Variants in IRAK3 observed in about 807,000 individuals in gnomAD.
IRAK3 encodes interleukin 1 receptor associated kinase 3.
Under a neutral mutation model 56.6 loss-of-function variants are expected in IRAK3, and 57 were observed. The ratio of observed to expected loss-of-function variants is 1.01; its 90% CI spans 0.81 to 1.26. The LOEUF (loss-of-function observed/expected upper bound fraction) is 1.26. IRAK3 is among the 50% of genes most tolerant of loss of function. The probability of loss-of-function intolerance (pLI) is 0.00; values close to 1 mark genes in which losing one functional copy is unlikely to be tolerated. For synonymous variants in IRAK3, 258 were observed against 255.7 expected, an observed-to-expected ratio of 1.01 and a Z score of -0.09; for missense variants, 703 against 719.0, an observed-to-expected ratio of 0.98 and a Z score of 0.25.
At chr12:66,200,896 T>C (rs1185253) in intron 1 of IRAK3, among the ~76,000 whole-genome samples, 34,130 of 152,004 alleles carry the variant, frequency 0.22, 6,833 homozygotes, top group African/African-American at 0.52. Flanking sequence ...CTGCAACCTC[T>C]GCCTCCTGGG....
rs1358398499 is a variant in IRAK3 at position 66,248,251 on chromosome 12, C to G, written c.*80C>G. 5 of 954,760 alleles carry G rather than the reference C, an allele frequency of 5.2e-6. 1 individual carries two copies. The highest frequency in any genetic ancestry group is 4.1e-5 in the South Asian group (3 of 72,564). 59.1% of individuals were successfully genotyped at this position (954,760 alleles called of 1,614,324 possible). On this transcript the variant is annotated 3_prime_UTR_variant, in exon 12 of 12. Coordinates refer to ENST00000261233, the MANE Select transcript of IRAK3 (RefSeq NM_007199.3). ...GTATGACCTTGGGAAGACATTGGCT[C>G]CATAAGCAATGCCAAGAGAATGATC...
At chr12:66,226,581 T>C (rs2052788457) in intron 6 of IRAK3, 142 bp from the exon 7 acceptor site, 1 of 680,902 alleles carries the variant, frequency 1.5e-6, no homozygotes, top group Non-Finnish European at 2.7e-6. Context: ...CAAATCTGTG[T>C]CTGTACCCAA....
At chr12:66,239,615 AC>A (rs1002335997) in intron 8 of IRAK3, among the ~76,000 whole-genome samples, 2 of 151,880 alleles carry the variant, frequency 1.3e-5, no homozygotes, top group Non-Finnish European at 2.9e-5. Flanking sequence ...TTCCCTCATA[AC>A]CCCCTCAAAA....
At chr12:66,195,479 C>A (rs2052442214) in intron 1 of IRAK3, among the ~76,000 whole-genome samples, 1 of 152,182 alleles carries the variant, frequency 6.6e-6, no homozygotes, top group Non-Finnish European at 1.5e-5. Context: ...AGAGCAAACC[C>A]TGAAGTCCTG....
intron 5 of IRAK3, among the ~76,000 whole-genome samples, chr12:66,214,196 T>A (rs1045584357): frequency 1.3e-5 from 2 of 151,936 alleles, no homozygotes; most frequent in Non-Finnish European, 2.9e-5. Flanking sequence ...GGATTGGAAG[T>A]TGGCAGAAGA....
At chr12:66,242,250 C>T (rs1040332731) in intron 8 of IRAK3, among the ~76,000 whole-genome samples, 5 of 152,086 alleles carry the variant, frequency 3.3e-5, no homozygotes, top group South Asian at 2.1e-4. Context: ...TTTCCCACCT[C>T]GCCTCCTGGC....
chr12:66,202,300 C>T (rs1428105644), intron 1 of IRAK3, among the ~76,000 whole-genome samples: 4 of 152,102 alleles, frequency 2.6e-5, no homozygotes, highest in Admixed American at 2.0e-4. Context: ...GAACCCTGGC[C>T]ACAATGAGCA....
chr12:66,222,887 C>T (rs1387171001), intron 6 of IRAK3, among the ~76,000 whole-genome samples: 4 of 152,118 alleles, frequency 2.6e-5, no homozygotes, highest in Non-Finnish European at 5.9e-5. Context: ...TTTGTGTGAG[C>T]AATAAAGCTT....
In IRAK3 at chr12:66,226,831, G is replaced by T. The variant is rs752958814; in HGVS notation, c.762G>T (p.Gln254His). The change falls in exon 7 of 12, where the codon CAG (glutamine) becomes CAT (histidine). Residue 254 changes from glutamine (Q) to histidine (H), a missense_variant. By Grantham distance (24) the Gln-to-His change is conservative (BLOSUM62 0). Transcript: ENST00000261233. ...ATGGAACACTTTTTGACAGATTGCAGTGTGTAGTAAGTTCTATCTATTATT... is the reference window on the plus strand; with the variant it reads ...ATGGAACACTTTTTGACAGATTGCATTGTGTAGTAAGTTCTATCTATTATT... ...MRNGTLFDRLQCVGDTAPLPW... is the reference protein window; with the variant it reads ...MRNGTLFDRLHCVGDTAPLPW... The T allele has an allele frequency of 1.4e-5, 22 of 1,536,230 alleles. No homozygotes were observed. The South Asian group carries it at 1.8e-4, about 12-fold the overall frequency.
At chr12:66,219,228 G>T (rs1031275902) in intron 6 of IRAK3, among the ~76,000 whole-genome samples, 1 of 152,116 alleles carries the variant, frequency 6.6e-6, no homozygotes, top group Non-Finnish European at 1.5e-5. Flanking sequence ...ATATGGTTTG[G>T]TTCTGTGTCC....
intron 6 of IRAK3, among the ~76,000 whole-genome samples, chr12:66,223,624 A>G (rs1310910184): frequency 2.0e-5 from 3 of 147,186 alleles, no homozygotes; most frequent in Non-Finnish European, 4.5e-5. Context: ...ACGCCACTGC[A>G]CTCCAGCCTG....
rs201382563 is a variant in IRAK3 at position 66,226,869 on chromosome 12, C to G, written c.768+32C>G. Reference sequence around the variant, plus strand: ...TCTATCTATTATTCTGTCTGATCCTCTGACCCCTTGAATCCCTGGGAGAGC... The same window carrying G: ...TCTATCTATTATTCTGTCTGATCCTGTGACCCCTTGAATCCCTGGGAGAGC... On this transcript the variant is annotated intron_variant, in intron 7 of 11. Transcript: ENST00000261233. 6.3e-5 allele frequency: 81 copies of G among 1,288,010 alleles called. 1 individual carries two copies. The East Asian group carries it at 1.8e-3, about 28-fold the overall frequency. 79.8% of individuals were successfully genotyped at this position (1,288,010 alleles called of 1,614,324 possible).
At chr12:66,233,323 C>G (rs545662248) in intron 8 of IRAK3, among the ~76,000 whole-genome samples, 1 of 152,246 alleles carries the variant, frequency 6.6e-6, no homozygotes, top group Non-Finnish European at 1.5e-5. Context: ...TCGAGACCAT[C>G]CTGGCTAACA....
chr12:66,192,567 A>C (rs1456359662), intron 1 of IRAK3, among the ~76,000 whole-genome samples: 1 of 152,198 alleles, frequency 6.6e-6, no homozygotes, highest in Admixed American at 6.5e-5. Context: ...TTTGCAAATG[A>C]TATATAATAG....
intron 2 of IRAK3, among the ~76,000 whole-genome samples, chr12:66,204,802 A>G (rs371324947): frequency 0.018 from 2,808 of 152,134 alleles, 32 homozygotes; most frequent in Middle Eastern, 0.048. Flanking sequence ...ACACACACAC[A>G]CACACACACA....
Position 66,207,298 on chromosome 12 carries a change from C to G in IRAK3, c.317-2158C>G, listed in dbSNP as rs566639876. ...CCAGCCTGGGCAAAACGGTGAAACC[C>G]TATCTCTACTAAAATACAAAAAAAT... On this transcript the variant is annotated intron_variant, in intron 2 of 11. Coordinates refer to ENST00000261233, the MANE Select transcript of IRAK3 (RefSeq NM_007199.3). Among the ~76,000 whole-genome samples the G allele has an allele frequency of 2.6e-5, 4 of 152,194 alleles. No homozygotes were observed. The East Asian group carries it at 7.7e-4, about 29-fold the overall frequency.
At chr12:66,230,176 A>C (rs1288491852) in intron 8 of IRAK3, among the ~76,000 whole-genome samples, 2 of 152,166 alleles carry the variant, frequency 1.3e-5, no homozygotes, top group East Asian at 3.9e-4. Flanking sequence ...GGATGTGCCT[A>C]ACAGTGTCTC....
At position 66,210,188 on chromosome 12, in the gene IRAK3, A is replaced by G. The variant is rs1040949585; in HGVS notation, c.423A>G (p.Glu141=). The G allele has an allele frequency of 1.2e-6, 2 of 1,602,714 alleles. No homozygotes were observed. Among genetic ancestry groups the G allele is most frequent in the Admixed American group, 1.7e-5 (1 of 59,924 alleles). ...CCGTGGATAATGTTCTTATTCCTGAACATAATGAAAAAGGTATGAAAAAAC... is the reference window on the plus strand; with the variant it reads ...CCGTGGATAATGTTCTTATTCCTGAGCATAATGAAAAAGGTATGAAAAAAC... ...NVTVDNVLIP[E]HNEKGILLKS... is the part of the protein sequence containing the mutation. The change falls in exon 4 of 12, where the codon GAA becomes GAG. Residue 141 remains glutamate, a synonymous_variant. Transcript: ENST00000261233.
chr12:66,213,446 A>G (rs2052633407), intron 5 of IRAK3, among the ~76,000 whole-genome samples: 1 of 152,224 alleles, frequency 6.6e-6, no homozygotes, highest in African/African-American at 2.4e-5. Context: ...TTGAGACAGT[A>G]AAATATGGTG....
Sources: gnomAD v4.1 joint callset for allele counts (sites outside exome capture counted in the v4.1 genomes callset) on GRCh38, gnomAD v4.1.1 for gene constraint, MANE v1.5 for transcripts, NCBI Gene and HGNC (gene_info 2026-07-23, HGNC 2026-07-21) for gene names.